Variants in ELOVL7 observed in about 807,000 individuals in gnomAD.
The protein encoded by ELOVL7 is very long chain fatty acid elongase 7.
In ELOVL7, 27 loss-of-function variants were observed where a neutral mutation model predicts 35.7. The ratio of observed to expected loss-of-function variants is 0.76; its 90% CI spans 0.56 to 1.04. The LOEUF (loss-of-function observed/expected upper bound fraction) is 1.04, where lower values mean the gene tolerates loss of function less well. Ranked by LOEUF, ELOVL7 falls within the 50% of genes least tolerant of loss-of-function variation. The pLI is 0.00. For missense variants in ELOVL7, 327 were observed against 340.8 expected, an observed-to-expected ratio of 0.96 and a Z score of 0.32; for synonymous variants, 113 against 114.6, an observed-to-expected ratio of 0.99 and a Z score of 0.09.
chr5:60,796,986 G>A (rs1400303836), intron 2 of ELOVL7, among the ~76,000 whole-genome samples: 1 of 152,078 alleles, frequency 6.6e-6, no homozygotes, highest in Non-Finnish European at 1.5e-5. Context: ...CAATATTAGT[G>A]GAAAAGATAT....
intron 4 of ELOVL7, among the ~76,000 whole-genome samples, chr5:60,768,933 A>T (rs1376770512): frequency 6.6e-6 from 1 of 152,230 alleles, no homozygotes; most frequent in Non-Finnish European, 1.5e-5. Flanking sequence ...TTCTAAAAAC[A>T]AAAGCTTATG....
At chr5:60,838,853 G>A (rs1302876743) in intron 1 of ELOVL7, among the ~76,000 whole-genome samples, 5 of 151,126 alleles carry the variant, frequency 3.3e-5, no homozygotes, top group Non-Finnish European at 7.4e-5. Flanking sequence ...GTGAAACCCC[G>A]TCTCTACTAA....
chr5:60,820,236 G>C (rs1418819997), intron 1 of ELOVL7, among the ~76,000 whole-genome samples: 1 of 152,184 alleles, frequency 6.6e-6, no homozygotes, highest in African/African-American at 2.4e-5. Context: ...AGCTCCCATT[G>C]GAGCTCCAAA....
chr5:60,754,655 T>G lies in ELOVL7; in HGVS notation c.815A>C (p.Lys272Thr). 1 of 1,614,072 alleles carries G rather than the reference T, an allele frequency of 6.2e-7. No homozygotes were observed. Among genetic ancestry groups the G allele is most frequent in the Non-Finnish European group, 8.5e-7 (1 of 1,179,966 alleles). Residue 272 changes from lysine (K) to threonine (T), a missense_variant, in exon 9 of 9, where the codon AAA (lysine) becomes ACA (threonine). Coordinates refer to ENST00000508821, the MANE Select transcript of ELOVL7 (RefSeq NM_024930.3). ...TKGQRLPKTV[K>T]NGTCKNKDN ...ATCTTTGTTTTTGCAAGTTCCATTT[T>G]TCACAGTTTTGGGCAACCTCTGACC...
chr5:60,840,560 C>G (rs1747106032), intron 1 of ELOVL7, among the ~76,000 whole-genome samples: 1 of 152,178 alleles, frequency 6.6e-6, no homozygotes. Flanking sequence ...TTTTTTCAAG[C>G]TACCCAGTTG....
Position 60,772,053 on chromosome 5 carries a change from C to A in ELOVL7, c.105G>T (p.Leu35=), listed in dbSNP as rs369032241. ...AGAATCCTAGGAGGATGGTTTGTGG[C>A]AGAGGCGAGGACATGAGGAGCCAAT... ...VEDWLLMSSP[L]PQTILLGFYV... Residue 35 remains leucine, a synonymous_variant, in exon 4 of 9, where the codon CTG becomes CTT. Coordinates refer to ENST00000508821, the MANE Select transcript of ELOVL7 (RefSeq NM_024930.3). 1.2e-6 allele frequency: 2 copies of A among 1,612,976 alleles called. No individual in the cohort carries two copies. The highest frequency in any genetic ancestry group is 1.1e-5 in the South Asian group (1 of 90,926).
intron 1 of ELOVL7, among the ~76,000 whole-genome samples, chr5:60,800,934 T>C (rs1744572980): frequency 1.3e-5 from 2 of 152,306 alleles, no homozygotes; most frequent in South Asian, 4.1e-4. Context: ...TACCGATTTA[T>C]GTATTTATTT....
intron 3 of ELOVL7, among the ~76,000 whole-genome samples, chr5:60,779,308 C>T (rs1225382612): frequency 6.6e-6 from 1 of 152,156 alleles, no homozygotes; most frequent in African/African-American, 2.4e-5. Context: ...GGGGTCTGAC[C>T]CCACATTTCT....
intron 1 of ELOVL7, among the ~76,000 whole-genome samples, chr5:60,839,712 C>T (rs1381405311): frequency 6.6e-6 from 1 of 152,202 alleles, no homozygotes; most frequent in Non-Finnish European, 1.5e-5. Flanking sequence ...AAATAGCAAC[C>T]TTCCAGGCCA....
intron 3 of ELOVL7, among the ~76,000 whole-genome samples, chr5:60,779,377 G>A (rs1454097554): frequency 2.6e-5 from 4 of 152,142 alleles, no homozygotes; most frequent in African/African-American, 4.8e-5. Context: ...AGCAAACTTC[G>A]GCCTGGACAT....
At chr5:60,806,969 A>G (rs1360688335) in intron 1 of ELOVL7, among the ~76,000 whole-genome samples, 1 of 152,250 alleles carries the variant, frequency 6.6e-6, no homozygotes, top group Non-Finnish European at 1.5e-5. Context: ...GAAGGGCTAC[A>G]TACAAATGTT....
chr5:60,754,742 A>G lies in ELOVL7; in HGVS notation c.728T>C (p.Met243Thr), dbSNP rs1243839419. ...CAGCAGAAACATGAAACTGTAACTC[A>G]TAATGATGCACGCAAAGACTGGAAA... is the stretch of plus-strand genomic sequence containing the variant. ...YQFPVFACII[M>T]SYSFMFLLLF... Residue 243 changes from methionine to threonine, a missense_variant, in exon 9 of 9, where the codon ATG (methionine) becomes ACG (threonine). Transcript: ENST00000508821. 6.2e-7 allele frequency: 1 copy of G among 1,614,182 alleles called. No individual in the cohort carries two copies. The highest frequency in any genetic ancestry group is 1.7e-5 in the Admixed American group (1 of 60,020).
intron 1 of ELOVL7, among the ~76,000 whole-genome samples, chr5:60,840,160 C>T (rs1042549539): frequency 2.0e-5 from 3 of 152,138 alleles, no homozygotes; most frequent in East Asian, 1.9e-4. Flanking sequence ...CATTTGAAAA[C>T]CCTATGGCAG....
chr5:60,776,678 G>T (rs993807848), intron 3 of ELOVL7, among the ~76,000 whole-genome samples: 17 of 152,136 alleles, frequency 1.1e-4, no homozygotes, highest in Admixed American at 3.3e-4. Flanking sequence ...TTGGGTACAT[G>T]CAGGTATAGA....
chr5:60,802,286 T>A (rs1460516885), intron 1 of ELOVL7, among the ~76,000 whole-genome samples: 1 of 151,900 alleles, frequency 6.6e-6, no homozygotes, highest in Admixed American at 6.6e-5. Flanking sequence ...TTAAACCTGG[T>A]TGAAAATCAG....
intron 3 of ELOVL7, chr5:60,784,156 A>T (rs1386915775): frequency 2.0e-6 from 3 of 1,520,756 alleles, no homozygotes; most frequent in Non-Finnish European, 2.6e-6. Context: ...CTTAAGTAGC[A>T]GGTACTGGCT....
At chr5:60,834,579 G>C (rs1746676661) in intron 1 of ELOVL7, among the ~76,000 whole-genome samples, 1 of 152,192 alleles carries the variant, frequency 6.6e-6, no homozygotes, top group Non-Finnish European at 1.5e-5. Flanking sequence ...GAGATGGGAG[G>C]AATGTTTGAT....
intron 1 of ELOVL7, among the ~76,000 whole-genome samples, chr5:60,805,338 A>C (rs1432827734): frequency 6.6e-6 from 1 of 152,260 alleles, no homozygotes; most frequent in African/African-American, 2.4e-5. Flanking sequence ...GTTTGTTACT[A>C]CAACTTGGTA....
intron 3 of ELOVL7, among the ~76,000 whole-genome samples, chr5:60,779,266 C>G (rs923214375): frequency 6.6e-6 from 1 of 152,218 alleles, no homozygotes; most frequent in Non-Finnish European, 1.5e-5. Flanking sequence ...CACAGCTCCA[C>G]TAGGCACTGC....
Sources: gnomAD v4.1 joint callset for allele counts (sites outside exome capture counted in the v4.1 genomes callset) on GRCh38, gnomAD v4.1.1 for gene constraint, MANE v1.5 for transcripts, NCBI Gene and HGNC (gene_info 2026-07-23, HGNC 2026-07-21) for gene names.